The following CATSPERB variants were observed in gnomAD, a reference collection of about 807,000 sequenced individuals.
The protein encoded by CATSPERB is catsper channel auxiliary subunit beta.
Under a neutral mutation model 128.3 loss-of-function variants are expected in CATSPERB, and 93 were observed. That is an observed-to-expected ratio of 0.72 (90% CI 0.61 to 0.86). The LOEUF (loss-of-function observed/expected upper bound fraction) is 0.86. Among genes scored for constraint, CATSPERB ranks in the 40% least tolerant of loss-of-function variants. CATSPERB has a pLI of 0.00. For missense variants in CATSPERB, 1,153 were observed against 1,329.5 expected (o/e 0.87, Z 2.06); for synonymous variants, 381 against 448.8 (o/e 0.85, Z 1.91).
At chr14:91,716,231 G>A (rs1703726565) in intron 5 of CATSPERB, among the ~76,000 whole-genome samples, 1 of 152,144 alleles carries the variant, frequency 6.6e-6, no homozygotes, top group Non-Finnish European at 1.5e-5. Context: ...CAGATACTAA[G>A]CCAAATGGCA....
intron 20 of CATSPERB, among the ~76,000 whole-genome samples, chr14:91,613,444 C>T (rs184017195): frequency 1.7e-3 from 264 of 151,934 alleles, no homozygotes; most frequent in African/African-American, 6.2e-3. Context: ...GTCCTAATTT[C>T]AGGGAAAAAA....
At chr14:91,614,570 A>C (rs1472711787) in intron 20 of CATSPERB, among the ~76,000 whole-genome samples, 1 of 151,666 alleles carries the variant, frequency 6.6e-6, no homozygotes, top group Non-Finnish European at 1.5e-5. Context: ...AGGTGGGAGG[A>C]CTGCTCGAGC....
At chr14:91,601,742 G>A (rs1893610981) in intron 22 of CATSPERB, among the ~76,000 whole-genome samples, 1 of 152,048 alleles carries the variant, frequency 6.6e-6, no homozygotes, top group Non-Finnish European at 1.5e-5. Context: ...TTTGGCATTT[G>A]TGAGAGTATT....
chr14:91,590,528 C>A (rs957090747), intron 23 of CATSPERB, among the ~76,000 whole-genome samples: 1 of 151,756 alleles, frequency 6.6e-6, no homozygotes, highest in East Asian at 1.9e-4. Flanking sequence ...GAGACTTGGT[C>A]TCAAAAAAAG....
intron 7 of CATSPERB, among the ~76,000 whole-genome samples, chr14:91,694,321 G>A (rs1464301986): frequency 6.6e-6 from 1 of 151,550 alleles, no homozygotes; most frequent in Non-Finnish European, 1.5e-5. Context: ...GTGCATGCCT[G>A]TAGTCCCAGC....
At chr14:91,653,280 C>A (rs1294296183) in intron 15 of CATSPERB, among the ~76,000 whole-genome samples, 1 of 152,132 alleles carries the variant, frequency 6.6e-6, no homozygotes, top group African/African-American at 2.4e-5. Context: ...TTTCTAATTT[C>A]TGTTAGACCT....
At chr14:91,678,342 T>C (rs1450210397) in intron 11 of CATSPERB, among the ~76,000 whole-genome samples, 1 of 152,236 alleles carries the variant, frequency 6.6e-6, no homozygotes, top group Admixed American at 6.5e-5. Context: ...TTCAGCCATG[T>C]GAACAGATTC....
Position 91,621,615 on chromosome 14 carries a change from A to T in CATSPERB, c.2253T>A (p.Asn751Lys). Residue 751 changes from asparagine (N) to lysine (K), a missense_variant, in exon 19 of 27, where the codon AAT (asparagine) becomes AAA (lysine). Asn to Lys is a moderately conservative substitution (Grantham distance 94). Transcript: ENST00000256343. ...CGATCAAAACAAACTTACCTTTTGC[A>T]TTCCGTATGACCTTAGCTTTTAAAA... is the stretch of plus-strand genomic sequence containing the variant. ...SYVLKAKVIR[N>K]AKGFRMLEIP... The T allele has an allele frequency of 6.4e-7, 1 of 1,568,456 alleles. No individual in the cohort carries two copies. Among genetic ancestry groups the T allele is most frequent in the Non-Finnish European group, 8.6e-7 (1 of 1,159,310 alleles).
chr14:91,725,449 C>T (rs1595194827), intron 2 of CATSPERB, among the ~76,000 whole-genome samples: 1 of 152,332 alleles, frequency 6.6e-6, no homozygotes, highest in African/African-American at 2.4e-5. Flanking sequence ...CAGTTCTTGA[C>T]ACTTCAACGC....
At chr14:91,668,058 C>T (rs1000836131) in intron 14 of CATSPERB, among the ~76,000 whole-genome samples, 134 of 152,292 alleles carry the variant, frequency 8.8e-4, no homozygotes, top group Non-Finnish European at 2.4e-4. Flanking sequence ...AAAGAGTTCC[C>T]CTCTGGAGGA....
At chr14:91,704,905 G>C (rs1193256086) in intron 6 of CATSPERB, among the ~76,000 whole-genome samples, 2 of 152,222 alleles carry the variant, frequency 1.3e-5, no homozygotes, top group South Asian at 2.1e-4. Context: ...CCCCTTGGTG[G>C]GGGGCTGGCA....
chr14:91,610,738 C>A, intron 20 of CATSPERB, 61 bp from the exon 21 acceptor site: 1 of 1,499,448 alleles, frequency 6.7e-7, no homozygotes, highest in East Asian at 2.4e-5. Flanking sequence ...GAACTGTGTC[C>A]AACCAAAAAT....
intron 15 of CATSPERB, among the ~76,000 whole-genome samples, chr14:91,657,741 C>CA: frequency 6.6e-6 from 1 of 152,228 alleles, no homozygotes; most frequent in East Asian, 1.9e-4. Context: ...AGATGACATA[C>CA]AAACGGCAGA....
Position 91,617,657 on chromosome 14 carries a change from A to G in CATSPERB, c.2340T>C (p.Thr780=), listed in dbSNP as rs765445667. ...PNLLEVTAEV[T]FDDTDSYVIT... ...TTACATAACTGTCAGTATCATCAAA[A>G]GTCACTTCAGCTGTAACTTCCAACA... The change falls in exon 20 of 27, where the codon ACT becomes ACC. Residue 780 remains threonine (T), a synonymous_variant. Transcript: ENST00000256343. 6.2e-7 allele frequency: 1 copy of G among 1,602,928 alleles called. No homozygotes were observed. The highest frequency in any genetic ancestry group is 8.5e-7 in the Non-Finnish European group (1 of 1,176,104).
intron 3 of CATSPERB, among the ~76,000 whole-genome samples, 188 bp downstream of exon 3, chr14:91,724,892 A>C (rs1172887762): frequency 6.6e-6 from 1 of 152,236 alleles, no homozygotes; most frequent in Non-Finnish European, 1.5e-5. Context: ...GGCTAAGTGA[A>C]GTATTTTACC....
chr14:91,693,331 A>T, intron 8 of CATSPERB, 53 bp downstream of exon 8: 1 of 1,550,860 alleles, frequency 6.4e-7, no homozygotes, highest in Non-Finnish European at 8.9e-7. Context: ...GATATTAATC[A>T]AATATTGATG....
chr14:91,657,202 A>C (rs1206053087), intron 15 of CATSPERB, among the ~76,000 whole-genome samples: 1 of 152,116 alleles, frequency 6.6e-6, no homozygotes, highest in Non-Finnish European at 1.5e-5. Context: ...TTTGCAGAAC[A>C]TGTCAACCAA....
chr14:91,683,500 T>C (rs555326388), intron 11 of CATSPERB, among the ~76,000 whole-genome samples: 8 of 152,308 alleles, frequency 5.3e-5, no homozygotes, highest in Non-Finnish European at 1.0e-4. Context: ...CACTCCCTTG[T>C]ACTGCTGGCT....
chr14:91,585,655 G>T (rs980304318), intron 26 of CATSPERB, among the ~76,000 whole-genome samples: 1 of 152,124 alleles, frequency 6.6e-6, no homozygotes, highest in Admixed American at 6.5e-5. Flanking sequence ...AGCTAGTTTA[G>T]AATATTTGAT....
Sources: allele counts gnomAD v4.1 joint callset (sites outside exome capture counted in the v4.1 genomes callset), GRCh38; gene constraint gnomAD v4.1.1; transcripts MANE v1.5; gene names NCBI Gene and HGNC (gene_info 2026-07-23, HGNC 2026-07-21).